NCMAP: variants seen among roughly 807,000 people sequenced by gnomAD.
The protein encoded by NCMAP is noncompact myelin-associated protein.
Under a neutral mutation model 7.8 loss-of-function variants are expected in NCMAP, and 8 were observed. That is an observed-to-expected ratio of 1.02 (90% CI 0.60 to 1.84). The LOEUF (loss-of-function observed/expected upper bound fraction) is 1.84, where lower values mean the gene tolerates loss of function less well. NCMAP is among the 40% of genes most tolerant of loss of function. NCMAP has a pLI of 0.00. For synonymous variants in NCMAP, 41 were observed against 52.9 expected, an observed-to-expected ratio of 0.78 and a Z score of 0.98; for missense variants, 112 against 131.4, an observed-to-expected ratio of 0.85 and a Z score of 0.72.
intron 3 of NCMAP, among the ~76,000 whole-genome samples, chr1:24,602,986 G>A (rs900995685): frequency 2.6e-5 from 4 of 152,082 alleles, no homozygotes; most frequent in Non-Finnish European, 5.9e-5. Context: ...GTTGCAGTGA[G>A]CTGAGATCGC....
intron 1 of NCMAP, among the ~76,000 whole-genome samples, chr1:24,590,727 C>T (rs1281534572): frequency 2.0e-5 from 3 of 152,158 alleles, no homozygotes; most frequent in Non-Finnish European, 2.9e-5. Context: ...CCTTCCTCAG[C>T]CTCCCAAGTA....
intron 1 of NCMAP, among the ~76,000 whole-genome samples, chr1:24,574,718 A>G (rs1481715653): frequency 6.6e-6 from 1 of 151,978 alleles, no homozygotes; most frequent in Non-Finnish European, 1.5e-5. Flanking sequence ...GACGGTGTCC[A>G]GGACAGGTCA....
At chr1:24,594,907 A>T (rs1372146580) in intron 1 of NCMAP, among the ~76,000 whole-genome samples, 10 of 147,354 alleles carry the variant, frequency 6.8e-5, no homozygotes, top group South Asian at 2.1e-4. Context: ...AAAATTTTTT[A>T]AATCATAGTT....
chr1:24,581,172 A>C (rs1651732142), intron 1 of NCMAP, among the ~76,000 whole-genome samples: 1 of 150,950 alleles, frequency 6.6e-6, no homozygotes, highest in Non-Finnish European at 1.5e-5. Flanking sequence ...GCTGGAGAGC[A>C]GTGGTGCTAT....
At chr1:24,595,357 A>G in intron 1 of NCMAP, 67 bp from the exon 2 acceptor site, 2 of 1,087,118 alleles carry the variant, frequency 1.8e-6, no homozygotes, top group Non-Finnish European at 2.8e-6. Flanking sequence ...AGACCAAAAG[A>G]GGCATCAAGT....
intron 2 of NCMAP, among the ~76,000 whole-genome samples, chr1:24,598,557 G>A (rs1054263138): frequency 1.3e-5 from 2 of 151,932 alleles, no homozygotes; most frequent in African/African-American, 4.8e-5. Flanking sequence ...TATTTTAATG[G>A]TTGTAACATA....
chr1:24,604,644 ATATATAT>A (rs1652653745), intron 3 of NCMAP, among the ~76,000 whole-genome samples: 1 of 92,660 alleles, frequency 1.1e-5, no homozygotes, highest in Non-Finnish European at 2.0e-5. Flanking sequence ...ATATATATAT[ATATATAT>A]ATGTCAGCAA....
At chr1:24,580,750 C>T (rs533956839) in intron 1 of NCMAP, among the ~76,000 whole-genome samples, 6 of 152,300 alleles carry the variant, frequency 3.9e-5, no homozygotes, top group East Asian at 1.9e-4. Flanking sequence ...TGAGCCACTG[C>T]GCCCAGGCAG....
chr1:24,573,952 C>CAAAAAAAAAAAAAAAAACAAAAA (rs1651467043), intron 1 of NCMAP, among the ~76,000 whole-genome samples: 1 of 84,454 alleles, frequency 1.2e-5, no homozygotes, highest in Non-Finnish European at 2.2e-5. Context: ...CCAGAGAGGA[C>CAAAAAAAAAAAAAAAAACAAAAA]AAAAAAAAAA....
In NCMAP at chr1:24,576,515, G is replaced by A. The variant is rs1651564350; in HGVS notation, c.-7-18909G>A. On this transcript the variant is annotated intron_variant, in intron 1 of 3. Coordinates refer to ENST00000374392, the MANE Select transcript of NCMAP (RefSeq NM_001010980.5). The surrounding 1 kb of genome is among the most constrained non-coding windows in gnomAD (Gnocchi z 4.0). ...TTCCTTCTGGAATGGAGGGTGTGGAGGCAAACAAGCCTCGGGGAGGGTGTC... is the reference window on the plus strand; with the variant it reads ...TTCCTTCTGGAATGGAGGGTGTGGAAGCAAACAAGCCTCGGGGAGGGTGTC... Among the ~76,000 whole-genome samples, 1 of 152,144 alleles carries A rather than the reference G, an allele frequency of 6.6e-6. No individual in the cohort carries two copies. Among genetic ancestry groups the A allele is most frequent in the Non-Finnish European group, 1.5e-5 (1 of 68,020 alleles).
At chr1:24,580,956 C>T (rs1304625334) in intron 1 of NCMAP, among the ~76,000 whole-genome samples, 1 of 152,168 alleles carries the variant, frequency 6.6e-6, no homozygotes. Context: ...CCTGGATTGG[C>T]GTCTCTCCAG....
chr1:24,583,996 T>C (rs1651809972), intron 1 of NCMAP, among the ~76,000 whole-genome samples: 1 of 152,212 alleles, frequency 6.6e-6, no homozygotes, highest in African/African-American at 2.4e-5. Context: ...GGGAAGCATG[T>C]GAAAGCACAG....
intron 2 of NCMAP, among the ~76,000 whole-genome samples, chr1:24,598,522 G>C (rs777145608): frequency 6.6e-6 from 1 of 151,920 alleles, no homozygotes; most frequent in African/African-American, 2.4e-5. Context: ...GGCTTCTTTT[G>C]CTCTACATTA....
chr1:24,589,789 G>A (rs1557600065), intron 1 of NCMAP, among the ~76,000 whole-genome samples: 1 of 152,200 alleles, frequency 6.6e-6, no homozygotes, highest in Admixed American at 6.6e-5. Context: ...TAGCTTTGGG[G>A]CTACGTAAGT....
Position 24,597,651 on chromosome 1 carries a change from G to GA in NCMAP, c.82+2142dup, listed in dbSNP as rs1244864224. On this transcript the variant is annotated intron_variant, in intron 2 of 3. Transcript: ENST00000374392. ...AGAAAGAAAGAAAGAAAGAAAGAAA[G>GA]AAAGAAAGAAAGAAAGAAAGAAAAG... is the stretch of plus-strand genomic sequence containing the variant. Among the ~76,000 whole-genome samples the GA allele has an allele frequency of 4.7e-3, 624 of 133,656 alleles. 23 individuals are homozygous for GA. Among genetic ancestry groups the GA allele is most frequent in the African/African-American group, 0.017 (586 of 34,248 alleles). 87.7% of individuals were successfully genotyped at this position (133,656 alleles called of 152,430 possible).
At chr1:24,575,052 A>G (rs1557595734) in intron 1 of NCMAP, among the ~76,000 whole-genome samples, 1 of 151,980 alleles carries the variant, frequency 6.6e-6, no homozygotes, top group African/African-American at 2.4e-5. Flanking sequence ...GGCCTCCCAA[A>G]GTGCTGGGAT....
chr1:24,559,300 C>T (rs1650983726), intron 1 of NCMAP, among the ~76,000 whole-genome samples: 2 of 152,218 alleles, frequency 1.3e-5, no homozygotes, highest in South Asian at 2.1e-4. Flanking sequence ...CACTGGAGTC[C>T]CGCTGTTTGC....
At chr1:24,595,574 T>A in intron 2 of NCMAP, 62 bp downstream of exon 2, 1 of 1,357,426 alleles carries the variant, frequency 7.4e-7, no homozygotes, top group South Asian at 1.2e-5. Context: ...ATGGTCATAG[T>A]GCAGAGGTTA....
chr1:24,602,357 C>T (rs1006633933), intron 3 of NCMAP, among the ~76,000 whole-genome samples: 6 of 137,528 alleles, frequency 4.4e-5, no homozygotes, highest in Admixed American at 6.8e-5. Context: ...CCGAGGCGGG[C>T]GGATCACGAG....
Sources: gnomAD v4.1 joint callset for allele counts (sites outside exome capture counted in the v4.1 genomes callset) on GRCh38, gnomAD v4.1.1 for gene constraint, Gnocchi (gnomAD v3.1) non-coding constraint, MANE v1.5 for transcripts, NCBI Gene and HGNC (gene_info 2026-07-23, HGNC 2026-07-21) for gene names.